ANO4: variants seen among roughly 807,000 people sequenced by gnomAD.
ANO4 encodes anoctamin 4.
ANO4 carries 69 observed loss-of-function variants against 141.9 expected under a neutral mutation model. The observed-to-expected ratio is 0.49, with a 90% CI of 0.40 to 0.59. ANO4 has a LOEUF of 0.59. Among genes scored for constraint, ANO4 ranks in the 20% least tolerant of loss-of-function variants. ANO4 has a pLI of 0.00. For synonymous variants in ANO4, 350 were observed against 394.3 expected (o/e 0.89, Z 1.33); for missense variants, 894 against 1,162.2 (o/e 0.77, Z 3.36).
chr12:100,739,232 A>G (rs2031758397), intron 2 of ANO4, among the ~76,000 whole-genome samples: 1 of 151,788 alleles, frequency 6.6e-6, no homozygotes, highest in South Asian at 2.1e-4. Context: ...ACTTAGCATA[A>G]TATTCCCCAG....
intron 7 of ANO4, among the ~76,000 whole-genome samples, chr12:100,975,289 A>G (rs527348684): frequency 6.6e-6 from 1 of 151,980 alleles, no homozygotes; most frequent in African/African-American, 2.4e-5. Context: ...ACTGTACCCA[A>G]TGTGCAGGCT....
At chr12:101,089,589 T>C (rs2136916924) in intron 17 of ANO4, among the ~76,000 whole-genome samples, 1 of 152,300 alleles carries the variant, frequency 6.6e-6, no homozygotes, top group South Asian at 2.1e-4. Flanking sequence ...TAGGATGCAA[T>C]GAATTAATGC....
chr12:100,839,489 C>T (rs2037123756), intron 1 of ANO4, among the ~76,000 whole-genome samples: 1 of 152,060 alleles, frequency 6.6e-6, no homozygotes, highest in Admixed American at 6.6e-5. Flanking sequence ...AGTTTAAAAG[C>T]ACATTTTAAT....
chr12:101,082,702 T>C (rs1236877427), intron 15 of ANO4, among the ~76,000 whole-genome samples: 1 of 151,924 alleles, frequency 6.6e-6, no homozygotes, highest in East Asian at 1.9e-4. Flanking sequence ...AAGGCCATCC[T>C]TCATGCTACA....
At chr12:100,915,241 G>A (rs1042754298) in intron 2 of ANO4, among the ~76,000 whole-genome samples, 26 of 152,104 alleles carry the variant, frequency 1.7e-4, no homozygotes, top group Non-Finnish European at 2.4e-4. Context: ...TGCCTCTTAA[G>A]TCCAAAAATA....
chr12:100,795,953 G>A (rs1395871994), intron 1 of ANO4, among the ~76,000 whole-genome samples: 1 of 151,908 alleles, frequency 6.6e-6, no homozygotes, highest in East Asian at 1.9e-4. Context: ...GTCTATTACT[G>A]GCAGCTTCTT....
At chr12:100,879,445 G>T (rs2039464555) in intron 1 of ANO4, among the ~76,000 whole-genome samples, 1 of 152,106 alleles carries the variant, frequency 6.6e-6, no homozygotes, top group African/African-American at 2.4e-5. Flanking sequence ...TCTAATTGTT[G>T]TTTCTCTGTA....
chr12:101,097,820 G>A (rs2050044115), intron 20 of ANO4, 28 bp from the exon 21 acceptor site: 2 of 1,610,464 alleles, frequency 1.2e-6, no homozygotes, highest in Non-Finnish European at 1.7e-6. Flanking sequence ...CATTGATTCT[G>A]GAATTTCTGT....
At chr12:100,873,186 C>A (rs528456149) in intron 1 of ANO4, among the ~76,000 whole-genome samples, 1 of 152,172 alleles carries the variant, frequency 6.6e-6, no homozygotes, top group South Asian at 2.1e-4. Flanking sequence ...TTCTTTATAG[C>A]AATGTGAGAA....
chr12:100,926,830 C>A lies in ANO4; in HGVS notation c.160+4500C>A, dbSNP rs74461972. Among the ~76,000 whole-genome samples the A allele has an allele frequency of 3.2e-3, 494 of 152,070 alleles. 6 individuals are homozygous for A. Among genetic ancestry groups the A allele is most frequent in the African/African-American group, 0.012 (482 of 41,482 alleles). ...GGAAGAAGAAATTGCAAGAGAGATG[C>A]CCTGTAGAGGGAGCCAGGCTTCTGG... is the stretch of plus-strand genomic sequence containing the variant. On this transcript the variant is annotated intron_variant, in intron 3 of 27. Coordinates refer to ENST00000392977, the MANE Select transcript of ANO4 (RefSeq NM_001286615.2).
intron 24 of ANO4, among the ~76,000 whole-genome samples, chr12:101,113,957 C>G (rs932530999): frequency 1.3e-5 from 2 of 152,218 alleles, no homozygotes; most frequent in East Asian, 3.8e-4. Context: ...ATCTACCATT[C>G]CTTTAAGAAA....
chr12:100,959,347 T>C (rs1362602506), intron 5 of ANO4, among the ~76,000 whole-genome samples: 1 of 152,098 alleles, frequency 6.6e-6, no homozygotes, highest in Non-Finnish European at 1.5e-5. Context: ...TCATCATTTT[T>C]CCTCTCTACT....
intron 14 of ANO4, among the ~76,000 whole-genome samples, chr12:101,053,518 A>T (rs969416181): frequency 2.0e-5 from 3 of 152,158 alleles, no homozygotes; most frequent in Non-Finnish European, 4.4e-5. Context: ...GTTCCATGCC[A>T]GTCTCCTGGA....
At chr12:100,982,100 A>G (rs2044493558) in intron 7 of ANO4, among the ~76,000 whole-genome samples, 1 of 152,194 alleles carries the variant, frequency 6.6e-6, no homozygotes, top group South Asian at 2.1e-4. Flanking sequence ...CTTTCTGTAA[A>G]AATAACTCAC....
At chr12:100,961,034 C>T (rs559247778) in intron 5 of ANO4, among the ~76,000 whole-genome samples, 2 of 152,258 alleles carry the variant, frequency 1.3e-5, no homozygotes, top group South Asian at 4.2e-4. Context: ...GTAGACCAAC[C>T]TCTGTTCATA....
At chr12:100,740,915 A>G (rs1043280495) in intron 3 of ANO4, among the ~76,000 whole-genome samples, 1 of 152,220 alleles carries the variant, frequency 6.6e-6, no homozygotes, top group Admixed American at 6.5e-5. Flanking sequence ...GAGTAATTGT[A>G]CTCTTGCAAA....
chr12:100,953,976 C>T (rs914842359), intron 5 of ANO4, among the ~76,000 whole-genome samples: 13 of 152,214 alleles, frequency 8.5e-5, no homozygotes, highest in African/African-American at 3.1e-4. Flanking sequence ...AAGTCAAGTG[C>T]ACGAGCAGTG....
At chr12:101,127,239 A>G (rs996895063) in intron 27 of ANO4, among the ~76,000 whole-genome samples, 165 bp downstream of exon 27, 1 of 152,138 alleles carries the variant, frequency 6.6e-6, no homozygotes, top group African/African-American at 2.4e-5. Context: ...AATCGTTGCA[A>G]ATTTTGCTTG....
chr12:100,760,542 G>T (rs550284386), intron 3 of ANO4, among the ~76,000 whole-genome samples: 15 of 152,258 alleles, frequency 9.9e-5, no homozygotes. Flanking sequence ...GAGGAGTATT[G>T]AGTCAATCCC....
Sources: allele counts gnomAD v4.1 joint callset (sites outside exome capture counted in the v4.1 genomes callset), GRCh38; gene constraint gnomAD v4.1.1; transcripts MANE v1.5; gene names NCBI Gene and HGNC (gene_info 2026-07-23, HGNC 2026-07-21).